Variants in SMARCAL1 observed in about 807,000 individuals in gnomAD.
SMARCAL1 encodes SNF2 related chromatin remodeling annealing helicase 1.
In SMARCAL1, 58 loss-of-function variants were observed where a neutral mutation model predicts 94.5. The ratio of observed to expected loss-of-function variants is 0.61; its 90% CI spans 0.50 to 0.76. The LOEUF (loss-of-function observed/expected upper bound fraction) is 0.76. SMARCAL1 is among the 30% of genes least tolerant of loss of function. SMARCAL1 has a pLI of 0.00. For missense variants in SMARCAL1, 1,051 were observed against 1,177.9 expected (o/e 0.89, Z 1.58); for synonymous variants, 422 against 455.1 (o/e 0.93, Z 0.93).
At chr2:216,414,612 A>T (rs1693543747) in intron 2 of SMARCAL1, 35 bp from the exon 3 acceptor site, 13 of 1,066,916 alleles carry the variant, frequency 1.2e-5, no homozygotes, top group Non-Finnish European at 1.9e-5. Flanking sequence ...TAATACATGT[A>T]ATGTTCATTT....
intron 9 of SMARCAL1, among the ~76,000 whole-genome samples, chr2:216,437,232 G>C (rs1212520513): frequency 6.6e-6 from 1 of 152,142 alleles, no homozygotes; most frequent in African/African-American, 2.4e-5. Flanking sequence ...TACTTTCTGT[G>C]TTTTTTCTCC....
intron 17 of SMARCAL1, among the ~76,000 whole-genome samples, chr2:216,479,931 A>G (rs1176303701): frequency 6.6e-6 from 1 of 152,206 alleles, no homozygotes; most frequent in Non-Finnish European, 1.5e-5. Context: ...ACATGCCTGT[A>G]TTCCCAGCTA....
At chr2:216,424,192 A>G (rs1335525447) in intron 6 of SMARCAL1, among the ~76,000 whole-genome samples, 1 of 152,238 alleles carries the variant, frequency 6.6e-6, no homozygotes, top group Non-Finnish European at 1.5e-5. Flanking sequence ...CAAGCACTTT[A>G]CAGACTGACC....
At position 216,420,548 on chromosome 2, in the gene SMARCAL1, TTGTC is replaced by T. The variant is rs767472060; in HGVS notation, c.1096+19_1096+22del. ...AGAAGATATGGCAAGTAATTGGTCT[TTGTC>T]TGATTCCCAGAATGTGTAGTGGTCT... is the stretch of plus-strand genomic sequence containing the variant. On this transcript the variant is annotated intron_variant, in intron 5 of 17. Coordinates refer to ENST00000357276, the MANE Select transcript of SMARCAL1 (RefSeq NM_014140.4). 1.3e-6 allele frequency: 2 copies of T among 1,588,898 alleles called. No individual in the cohort carries two copies. The highest frequency in any genetic ancestry group is 1.7e-6 in the Non-Finnish European group (2 of 1,157,118).
At position 216,432,830 on chromosome 2, in the gene SMARCAL1, G is replaced by T. The variant is rs756729918; in HGVS notation, c.1447G>T (p.Val483Leu). 1.9e-6 allele frequency: 3 copies of T among 1,614,240 alleles called. No individual in the cohort carries two copies. The East Asian group carries it at 6.7e-5, about 36-fold the overall frequency. The change falls in exon 8 of 18, where the codon GTG becomes TTG. Residue 483 changes from valine to leucine, a missense_variant. Physicochemically the swap from Val to Leu is conservative, Grantham distance 32 (BLOSUM62 1). Transcript: ENST00000357276. Reference sequence around the variant, plus strand: ...TTACCGGAAGGAGTGGCCGCTCCTGGTGGTGGTGCCATCCTCCGTGCGCTT... The same window carrying T: ...TTACCGGAAGGAGTGGCCGCTCCTGTTGGTGGTGCCATCCTCCGTGCGCTT... ...AFYRKEWPLL[V>L]VVPSSVRFTW...
At chr2:216,457,806 GA>G (rs1201021441) in intron 12 of SMARCAL1, among the ~76,000 whole-genome samples, 1 of 152,150 alleles carries the variant, frequency 6.6e-6, no homozygotes, top group African/African-American at 2.4e-5. Flanking sequence ...ACATTCAAAA[GA>G]CAGCAGAAGG....
In SMARCAL1 at chr2:216,456,880, A is replaced by G. The variant is rs148067507; in HGVS notation, c.2070+5816A>G. Among the ~76,000 whole-genome samples, 350 of 152,354 alleles carry G rather than the reference A, an allele frequency of 2.3e-3. 1 individual carries two copies. The highest frequency in any genetic ancestry group is 0.019 in the East Asian group (97 of 5,188). The stretch of plus-strand genomic sequence containing the variant: ...AAATGTAGATGGGCTAAATGCTCCA[A>G]TTGAAAGACACAGACTGGCAAATTG... On this transcript the variant is annotated intron_variant, in intron 12 of 17. Coordinates refer to ENST00000357276, the MANE Select transcript of SMARCAL1 (RefSeq NM_014140.4).
At chr2:216,464,703 C>T in intron 13 of SMARCAL1, 36 bp downstream of exon 13, 1 of 1,181,354 alleles carries the variant, frequency 8.5e-7, no homozygotes, top group Non-Finnish European at 1.2e-6. Context: ...CTCTCTCTCT[C>T]ATCTTCAAAA....
intron 4 of SMARCAL1, among the ~76,000 whole-genome samples, chr2:216,416,854 T>G (rs1341715777): frequency 6.6e-6 from 1 of 152,204 alleles, no homozygotes; most frequent in African/African-American, 2.4e-5. Context: ...GGAGGGGGCA[T>G]TGGCCAGGCA....
chr2:216,473,010 C>T (rs917263221), intron 14 of SMARCAL1, among the ~76,000 whole-genome samples: 10 of 152,168 alleles, frequency 6.6e-5, no homozygotes, highest in African/African-American at 2.4e-4. Context: ...AAAAACTTTC[C>T]ATTTTAATAG....
intron 14 of SMARCAL1, among the ~76,000 whole-genome samples, chr2:216,470,953 T>C (rs147563237): frequency 1.0e-3 from 156 of 150,612 alleles, no homozygotes; most frequent in African/African-American, 3.4e-3. Context: ...AAATCTGTTA[T>C]AAAATACCAA....
rs1694870962 is a variant in SMARCAL1 at position 216,468,146 on chromosome 2, TC to T, written c.2244+102del. 34 of 785,398 alleles carry T rather than the reference TC, an allele frequency of 4.3e-5. No individual in the cohort carries two copies. In the South Asian group the frequency reaches 4.6e-4, roughly 11 times the overall value. The allele number at this position is 785,398 out of a possible 1,614,324, so 48.7% of individuals were successfully genotyped here. On this transcript the variant is annotated intron_variant, in intron 14 of 17. Coordinates refer to ENST00000357276, the MANE Select transcript of SMARCAL1 (RefSeq NM_014140.4). ...TCCAAGCAAAGTGAGACCGATGGCT[TC>T]CGGAAGCATTGCTGAAGACTTTCTG...
chr2:216,471,162 T>G (rs1309343649), intron 14 of SMARCAL1, among the ~76,000 whole-genome samples: 2 of 152,212 alleles, frequency 1.3e-5, no homozygotes, highest in Non-Finnish European at 2.9e-5. Context: ...ACTCACTGTT[T>G]ACTATATTAA....
chr2:216,436,109 C>T (rs1193519695), intron 9 of SMARCAL1, among the ~76,000 whole-genome samples: 1 of 152,186 alleles, frequency 6.6e-6, no homozygotes, highest in Non-Finnish European at 1.5e-5. Flanking sequence ...GCTGGGATTA[C>T]AGGCACTTGC....
chr2:216,463,402 T>C (rs1201753167), intron 12 of SMARCAL1, among the ~76,000 whole-genome samples: 4 of 152,130 alleles, frequency 2.6e-5, no homozygotes, highest in African/African-American at 9.7e-5. Flanking sequence ...CCAGTTTCTG[T>C]TTCAAAGAGG....
At chr2:216,461,284 G>T (rs1694695233) in intron 12 of SMARCAL1, among the ~76,000 whole-genome samples, 1 of 151,528 alleles carries the variant, frequency 6.6e-6, no homozygotes, top group Admixed American at 6.6e-5. Flanking sequence ...TAAAAAAAAA[G>T]AATCATCTTT....
chr2:216,482,879 G>A lies in SMARCAL1; in HGVS notation c.2767G>A (p.Gly923Arg), dbSNP rs756530485. 3.1e-6 allele frequency: 5 copies of A among 1,614,128 alleles called. No homozygotes were observed. Among genetic ancestry groups the A allele is most frequent in the Non-Finnish European group, 4.2e-6 (5 of 1,180,030 alleles). Residue 923 changes from glycine to arginine, a missense_variant, in exon 18 of 18, where the codon GGA (glycine) becomes AGA (arginine). Coordinates refer to ENST00000357276, the MANE Select transcript of SMARCAL1 (RefSeq NM_014140.4). The surrounding 1 kb of genome is among the most constrained non-coding windows in gnomAD (Gnocchi z 4.3). ...ATCTGGAAGTAGTTCCCAGAACATG[G>A]GAGACACCCTGGATGAAAGCTCATT... The part of the protein sequence containing the change: ...GTSGSSSQNM[G>R]DTLDESSLTA...
At chr2:216,468,090 C>A in intron 14 of SMARCAL1, 44 bp downstream of exon 14, 1 of 1,391,596 alleles carries the variant, frequency 7.2e-7, no homozygotes, top group South Asian at 1.2e-5. Flanking sequence ...TTTGCCATGT[C>A]CCAAGTTGTT....
chr2:216,450,854 G>A lies in SMARCAL1; in HGVS notation c.1860G>A (p.Trp620Ter), dbSNP rs909012139. 1 of 1,613,570 alleles carries A rather than the reference G, an allele frequency of 6.2e-7. No homozygotes were observed. The highest frequency in any genetic ancestry group is 1.3e-5 in the African/African-American group (1 of 74,904). The change falls in exon 12 of 18, where the codon TGG becomes TGA. Residue 620 changes from tryptophan (W) to a stop codon, truncating the protein, a stop_gained. Transcript: ENST00000357276. LOFTEE classifies it high-confidence loss of function. ...TGTCTTGTTCTCTGCAGATGCCTTG[G>A]GGGTGGGACTACTCAGGTTCCTCCA... ...LRYCDAKRMPWGWDYSGSSNL... is the reference protein window; with the variant it reads ...LRYCDAKRMP
Sources: gnomAD v4.1 joint callset for allele counts (sites outside exome capture counted in the v4.1 genomes callset) on GRCh38, gnomAD v4.1.1 for gene constraint, Gnocchi (gnomAD v3.1) non-coding constraint, MANE v1.5 for transcripts, NCBI Gene and HGNC (gene_info 2026-07-23, HGNC 2026-07-21) for gene names.